The following TMF1 variants were observed in gnomAD, a reference collection of about 807,000 sequenced individuals.
TMF1 encodes the protein TATA element modulatory factor.
TMF1 carries 71 observed loss-of-function variants against 126.5 expected under a neutral mutation model. That is an observed-to-expected ratio of 0.56 (90% confidence interval 0.46 to 0.68). The LOEUF is 0.68. TMF1 is among the 30% of genes least tolerant of loss of function. The pLI is 0.00. For synonymous variants in TMF1, 461 were observed against 430.5 expected (o/e 1.07, Z -0.88); for missense variants, 1,259 against 1,253.2 (o/e 1.00, Z -0.07).
At position 69,048,003 on chromosome 3, in the gene TMF1, A is replaced by G; in HGVS notation, c.702T>C (p.His234=). The G allele has an allele frequency of 6.2e-7, 1 of 1,613,894 alleles. No individual in the cohort carries two copies. The highest frequency in any genetic ancestry group is 8.5e-7 in the Non-Finnish European group (1 of 1,180,026). The change falls in exon 2 of 17, where the codon CAT becomes CAC. Residue 234 remains histidine (H), a synonymous_variant. Coordinates refer to ENST00000398559, the MANE Select transcript of TMF1 (RefSeq NM_007114.3). ...DIALEPKEQK[H]EDRQSNTPSP... The stretch of plus-strand genomic sequence containing the variant: ...AAGGTGTATTGCTCTGCCTGTCTTC[A>G]TGTTTTTGTTCCTTAGGTTCCAAAG...
intron 1 of TMF1, among the ~76,000 whole-genome samples, chr3:69,050,216 C>G (rs556794172): frequency 1.8e-4 from 27 of 149,434 alleles, no homozygotes; most frequent in African/African-American, 6.4e-4. Context: ...ACAGAGATGG[C>G]ACCACTGCAC....
At chr3:69,031,737 T>C (rs1299985188) in intron 10 of TMF1, among the ~76,000 whole-genome samples, 1 of 152,210 alleles carries the variant, frequency 6.6e-6, no homozygotes, top group East Asian at 1.9e-4. Flanking sequence ...ATACCTCTAT[T>C]TCACATTTTA....
At chr3:69,041,749 A>G (rs754219033) in intron 5 of TMF1, among the ~76,000 whole-genome samples, 33 of 152,224 alleles carry the variant, frequency 2.2e-4, no homozygotes, top group South Asian at 1.2e-3. Flanking sequence ...AATACATTAA[A>G]ACTAGAAAAA....
intron 11 of TMF1, 125 bp downstream of exon 11, chr3:69,029,690 C>G: frequency 2.3e-6 from 2 of 863,790 alleles, no homozygotes; most frequent in Non-Finnish European, 3.5e-6. Flanking sequence ...ATCCGCCCGC[C>G]TTGGCCTCCC....
Position 69,023,340 on chromosome 3 carries a change from A to G in TMF1, c.3139-20T>C. On this transcript the variant is annotated intron_variant, in intron 16 of 16. Transcript: ENST00000398559. ...CAAATCCTGAAAAATGTATTTGTTT[A>G]CAATTTTTAAAATAACTACACAGAA... The G allele has an allele frequency of 2.5e-6, 4 of 1,588,556 alleles. No homozygotes were observed. The highest frequency in any genetic ancestry group is 3.4e-6 in the Non-Finnish European group (4 of 1,164,620).
chr3:69,052,175 C>T lies in TMF1; in HGVS notation c.-89G>A. ...GGGTGCAGAGGAACGGCTTCGCTCC[C>T]CTTTTCCACTCGGCTGGTTCTGTCA... On this transcript the variant is annotated 5_prime_UTR_variant, in exon 1 of 17. Coordinates refer to ENST00000398559, the MANE Select transcript of TMF1 (RefSeq NM_007114.3). The T allele has an allele frequency of 7.2e-7, 1 of 1,397,016 alleles. No homozygotes were observed. Among genetic ancestry groups the T allele is most frequent in the East Asian group, 2.5e-5 (1 of 40,286 alleles). The allele number at this position is 1,397,016 out of a possible 1,614,324, so 86.5% of individuals were successfully genotyped here. A position where few individuals can be genotyped will look rare whatever the true frequency, so the allele number is the denominator to read the frequency against.
intron 13 of TMF1, among the ~76,000 whole-genome samples, chr3:69,026,337 C>T (rs137951832): frequency 0.012 from 1,804 of 152,282 alleles, 33 homozygotes; most frequent in African/African-American, 0.041. Flanking sequence ...TGGCTTATGC[C>T]TGTAATCCCA....
intron 1 of TMF1, among the ~76,000 whole-genome samples, chr3:69,049,190 G>A (rs2091912490): frequency 6.6e-6 from 1 of 152,160 alleles, no homozygotes; most frequent in East Asian, 1.9e-4. Flanking sequence ...GGGCAACATA[G>A]TGAGACCCCT....
intron 2 of TMF1, among the ~76,000 whole-genome samples, chr3:69,044,799 G>C (rs567916035): frequency 6.6e-6 from 1 of 152,332 alleles, no homozygotes; most frequent in East Asian, 1.9e-4. Flanking sequence ...CAAATAGCTA[G>C]TGGGAGTGTA....
At chr3:69,027,523 T>G (rs1267236491) in intron 13 of TMF1, among the ~76,000 whole-genome samples, 1 of 152,066 alleles carries the variant, frequency 6.6e-6, no homozygotes, top group Non-Finnish European at 1.5e-5. Context: ...GGACACTGAT[T>G]ATAATACTAG....
Position 69,022,494 on chromosome 3 carries a change from T to A in TMF1, c.*683A>T, listed in dbSNP as rs2091744506. The A allele has an allele frequency of 6.6e-6, 1 of 152,606 alleles. No homozygotes were observed. Among genetic ancestry groups the A allele is most frequent in the Non-Finnish European group, 1.5e-5 (1 of 67,986 alleles). 9.5% of individuals were successfully genotyped at this position (152,606 alleles called of 1,614,324 possible). ...AACATTGAATATGTACAGGTTTCTCTGGATAGGTACCAAAAGGTACCACAT... is the reference window on the plus strand; with the variant it reads ...AACATTGAATATGTACAGGTTTCTCAGGATAGGTACCAAAAGGTACCACAT... On this transcript the variant is annotated 3_prime_UTR_variant, in exon 17 of 17. Transcript: ENST00000398559.
At chr3:69,023,833 A>G (rs2107452442) in intron 16 of TMF1, among the ~76,000 whole-genome samples, 1 of 152,284 alleles carries the variant, frequency 6.6e-6, no homozygotes, top group East Asian at 1.9e-4. Context: ...AATGAAATCT[A>G]GTTCTTTTCC....
chr3:69,052,170 G>T lies in TMF1; in HGVS notation c.-84C>A. Reference sequence around the variant, plus strand: ...GGGAAGGGTGCAGAGGAACGGCTTCGCTCCCCTTTTCCACTCGGCTGGTTC... The same window carrying T: ...GGGAAGGGTGCAGAGGAACGGCTTCTCTCCCCTTTTCCACTCGGCTGGTTC... On this transcript the variant is annotated 5_prime_UTR_variant, in exon 1 of 17. Transcript: ENST00000398559. The T allele has an allele frequency of 7.0e-7, 1 of 1,423,396 alleles. No homozygotes were observed. The highest frequency in any genetic ancestry group is 9.3e-7 in the Non-Finnish European group (1 of 1,070,150). 88.2% of individuals were successfully genotyped at this position (1,423,396 alleles called of 1,614,324 possible).
chr3:69,044,626 C>A (rs199639236), intron 2 of TMF1, 31 bp from the exon 3 acceptor site: 2 of 1,466,848 alleles, frequency 1.4e-6, no homozygotes, highest in Non-Finnish European at 1.9e-6. Context: ...AAAGTCAGAA[C>A]GCTTAGCTTT....
Position 69,052,329 on chromosome 3 carries a change from T to A in TMF1, c.-243A>T. ...TTCTTCCACGTACACAGCAACCAAA[T>A]CTACGAGCCCAGAGTTCGGTCGACA... On this transcript the variant is annotated 5_prime_UTR_variant, in exon 1 of 17. Transcript: ENST00000398559. The A allele has an allele frequency of 2.9e-6, 1 of 345,790 alleles. No individual in the cohort carries two copies. The highest frequency in any genetic ancestry group is 5.3e-6 in the Non-Finnish European group (1 of 188,300). The allele number at this position is 345,790 out of a possible 1,614,324, so 21.4% of individuals were successfully genotyped here.
intron 5 of TMF1, among the ~76,000 whole-genome samples, chr3:69,042,073 G>A (rs1458625904): frequency 6.6e-6 from 1 of 152,018 alleles, no homozygotes; most frequent in Non-Finnish European, 1.5e-5. Context: ...GTCTCACTCT[G>A]TCGCCCAGGC....
At chr3:69,031,818 C>T (rs1174013003) in intron 10 of TMF1, among the ~76,000 whole-genome samples, 1 of 152,094 alleles carries the variant, frequency 6.6e-6, no homozygotes, top group East Asian at 1.9e-4. Context: ...GTGGCTTTGC[C>T]TATATGCTAG....
chr3:69,033,802 T>C, intron 9 of TMF1, 98 bp from the exon 10 acceptor site: 1 of 1,118,654 alleles, frequency 8.9e-7, no homozygotes, highest in Non-Finnish European at 1.2e-6. Context: ...GAAAATTATT[T>C]TTCCAAGAGA....
Position 69,039,667 on chromosome 3 carries a change from G to A in TMF1, c.1711C>T (p.His571Tyr), listed in dbSNP as rs746897025. The change falls in exon 6 of 17, where the codon CAC becomes TAC. Residue 571 changes from histidine to tyrosine, a missense_variant. Coordinates refer to ENST00000398559, the MANE Select transcript of TMF1 (RefSeq NM_007114.3). ...AATTTCTTGATGATGTTAGAATTGT[G>A]CAGCTGCTGTTTTGAAAGTTTTTCT... is the stretch of plus-strand genomic sequence containing the variant. ...EGEKLSKQQL[H>Y]NSNIIKKLRA... 1.5e-5 allele frequency: 24 copies of A among 1,611,146 alleles called. No homozygotes were observed. The South Asian group carries it at 2.7e-4, about 18-fold the overall frequency.
Sources: gnomAD v4.1 joint callset for allele counts (sites outside exome capture counted in the v4.1 genomes callset) on GRCh38, gnomAD v4.1.1 for gene constraint, MANE v1.5 for transcripts, NCBI Gene and HGNC (gene_info 2026-07-23, HGNC 2026-07-21) for gene names.